Variants in SYTL3 observed in about 807,000 individuals in gnomAD.
SYTL3 encodes the protein synaptotagmin-like protein 3.
In SYTL3, 88 loss-of-function variants were observed where a neutral mutation model predicts 82.1. That is an observed-to-expected ratio of 1.07 (90% CI 0.90 to 1.28). SYTL3 has a LOEUF of 1.28. Ranked by LOEUF, SYTL3 falls within the 50% of genes most tolerant of loss-of-function variation. SYTL3 has a pLI of 0.00. For synonymous variants in SYTL3, 311 were observed against 289.4 expected, an observed-to-expected ratio of 1.07 and a Z score of -0.76; for missense variants, 831 against 757.6, an observed-to-expected ratio of 1.10 and a Z score of -1.14.
At position 158,682,998 on chromosome 6, in the gene SYTL3, T is replaced by G. The variant is rs1562371680; in HGVS notation, c.394+9T>G. The G allele has an allele frequency of 6.3e-7, 1 of 1,592,590 alleles. No homozygotes were observed. Among genetic ancestry groups the G allele is most frequent in the Admixed American group, 1.7e-5 (1 of 59,912 alleles). On this transcript the variant is annotated intron_variant, in intron 6 of 17. Coordinates refer to ENST00000611299, the MANE Select transcript of SYTL3 (RefSeq NM_001242394.2). ...GAAATTTCCAACTGGAGGTAAATGC[T>G]CTTTACTTTTTTAGTAAAGTAAAAT...
At chr6:158,705,890 G>A (rs1029734939) in intron 6 of SYTL3, among the ~76,000 whole-genome samples, 2 of 152,120 alleles carry the variant, frequency 1.3e-5, no homozygotes, top group East Asian at 1.9e-4. Flanking sequence ...GTCTGTGCTC[G>A]CCCCAGGATG....
chr6:158,686,060 G>C (rs755675263), intron 6 of SYTL3, among the ~76,000 whole-genome samples: 4 of 152,184 alleles, frequency 2.6e-5, no homozygotes, highest in Non-Finnish European at 5.9e-5. Context: ...ATGTGTGCAT[G>C]AATGTATGTG....
intron 5 of SYTL3, among the ~76,000 whole-genome samples, chr6:158,675,545 G>C (rs1777933472): frequency 6.6e-6 from 1 of 152,068 alleles, no homozygotes; most frequent in African/African-American, 2.4e-5. Flanking sequence ...CGGTCACAGT[G>C]GCTCACGCTT....
At chr6:158,685,617 G>A (rs543348683) in intron 6 of SYTL3, among the ~76,000 whole-genome samples, 3 of 152,018 alleles carry the variant, frequency 2.0e-5, no homozygotes, top group African/African-American at 7.2e-5. Flanking sequence ...TTGGGAGTTC[G>A]AGACCAGCCT....
chr6:158,650,173 A>T (rs1191245780), intron 1 of SYTL3, 95 bp downstream of exon 1: 1 of 152,184 alleles, frequency 6.6e-6, no homozygotes, highest in Non-Finnish European at 1.5e-5. Context: ...AACTTTTCTT[A>T]AATTTATGAC....
chr6:158,704,714 A>T (rs1328654365), intron 6 of SYTL3, among the ~76,000 whole-genome samples: 1 of 152,270 alleles, frequency 6.6e-6, no homozygotes, highest in Non-Finnish European at 1.5e-5. Context: ...GGAGTCACTG[A>T]AGGGTTCCAG....
At chr6:158,709,803 T>G (rs1023464519) in intron 8 of SYTL3, among the ~76,000 whole-genome samples, 1 of 152,026 alleles carries the variant, frequency 6.6e-6, no homozygotes, top group Non-Finnish European at 1.5e-5. Context: ...TTTAAAAAAT[T>G]TAAAGGGGAT....
chr6:158,740,429 T>A (rs1450978752), intron 11 of SYTL3, among the ~76,000 whole-genome samples: 1 of 152,226 alleles, frequency 6.6e-6, no homozygotes, highest in Non-Finnish European at 1.5e-5. Context: ...ACCATATTAG[T>A]TACAGTTATT....
chr6:158,694,448 C>T (rs965832299), intron 6 of SYTL3, among the ~76,000 whole-genome samples: 1 of 151,988 alleles, frequency 6.6e-6, no homozygotes, highest in South Asian at 2.1e-4. Context: ...GTGCACACCA[C>T]CACGCCCAGT....
intron 2 of SYTL3, among the ~76,000 whole-genome samples, chr6:158,656,202 A>G (rs185147099): frequency 1.4e-3 from 217 of 152,130 alleles, no homozygotes; most frequent in African/African-American, 4.9e-3. Flanking sequence ...CTCCTTTCCA[A>G]TCCTCACACA....
chr6:158,700,003 C>T (rs948323558), intron 6 of SYTL3, among the ~76,000 whole-genome samples: 1 of 151,874 alleles, frequency 6.6e-6, no homozygotes, highest in Non-Finnish European at 1.5e-5. Context: ...CGCCTGCAAT[C>T]CCAGCACTTT....
chr6:158,664,389 A>AC (rs1789759359), intron 4 of SYTL3, among the ~76,000 whole-genome samples: 1 of 152,150 alleles, frequency 6.6e-6, no homozygotes, highest in East Asian at 1.9e-4. Context: ...TACTAAAAAT[A>AC]CAAAAATTAG....
At chr6:158,747,540 T>C (rs79670615) in intron 12 of SYTL3, among the ~76,000 whole-genome samples, 7,770 of 152,122 alleles carry the variant, frequency 0.051, 228 homozygotes, top group Non-Finnish European at 0.061. Flanking sequence ...CACAGTTCAC[T>C]GCAGGCTCAA....
chr6:158,751,833 A>G (rs1290149039), intron 12 of SYTL3, 95 bp from the exon 13 acceptor site: 7 of 918,394 alleles, frequency 7.6e-6, no homozygotes, highest in Non-Finnish European at 1.1e-5. Context: ...CCTGGTAAAG[A>G]AAACGCTGGC....
chr6:158,689,252 G>T (rs1451676455), intron 6 of SYTL3, among the ~76,000 whole-genome samples: 1 of 151,564 alleles, frequency 6.6e-6, no homozygotes, highest in African/African-American at 2.4e-5. Flanking sequence ...TTTAGAAAGG[G>T]TGTGGAATTA....
At chr6:158,716,970 TTAAAC>T (rs1222507371) in intron 9 of SYTL3, among the ~76,000 whole-genome samples, 2 of 152,248 alleles carry the variant, frequency 1.3e-5, no homozygotes, top group African/African-American at 4.8e-5. Context: ...ATATATTGTG[TTAAAC>T]TAAATATAGA....
At chr6:158,674,420 T>C (rs1013239105) in intron 5 of SYTL3, among the ~76,000 whole-genome samples, 5 of 152,192 alleles carry the variant, frequency 3.3e-5, no homozygotes, top group Non-Finnish European at 7.4e-5. Context: ...GAAAGTTCCC[T>C]CTGGTTCCAC....
At position 158,702,712 on chromosome 6, in the gene SYTL3, C is replaced by A. The variant is rs548933396; in HGVS notation, c.395-4518C>A. Among the ~76,000 whole-genome samples the A allele has an allele frequency of 4.6e-5, 7 of 152,034 alleles. No homozygotes were observed. The East Asian group carries it at 7.7e-4, about 17-fold the overall frequency. On this transcript the variant is annotated intron_variant, in intron 6 of 17. Transcript: ENST00000611299. Reference sequence around the variant, plus strand: ...TATCCCCGTTTTGGTCTTGTCCCCACCCGCTCCCCACCCTAAGTTATATTT... The same window carrying A: ...TATCCCCGTTTTGGTCTTGTCCCCAACCGCTCCCCACCCTAAGTTATATTT...
At chr6:158,751,907 C>T (rs768128412) in intron 12 of SYTL3, 21 bp from the exon 13 acceptor site, 2 of 1,576,586 alleles carry the variant, frequency 1.3e-6, no homozygotes, top group Non-Finnish European at 1.7e-6. Flanking sequence ...TCACTCTGTC[C>T]CCGCTGTGTT....
Sources: allele counts gnomAD v4.1 joint callset (sites outside exome capture counted in the v4.1 genomes callset), GRCh38; gene constraint gnomAD v4.1.1; transcripts MANE v1.5; gene names NCBI Gene and HGNC (gene_info 2026-07-23, HGNC 2026-07-21).